The following LRP1B variants were observed in gnomAD, a reference collection of about 807,000 sequenced individuals.
LRP1B encodes low-density lipoprotein receptor-related protein 1B.
In LRP1B, 217 loss-of-function variants were observed where a neutral mutation model predicts 556.6. The observed-to-expected ratio is 0.39, with a 90% CI of 0.35 to 0.44. LRP1B has a LOEUF of 0.44. Among genes scored for constraint, LRP1B ranks in the 20% least tolerant of loss-of-function variants. The pLI, the probability that LRP1B is intolerant of heterozygous loss-of-function variation, is 1.00. For missense variants in LRP1B, 5,053 were observed against 5,620.8 expected (o/e 0.90, Z 3.23); for synonymous variants, 2,047 against 1,865.8 (o/e 1.10, Z -2.50).
At chr2:140,740,713 G>A (rs1276528673) in intron 35 of LRP1B, among the ~76,000 whole-genome samples, 2 of 152,160 alleles carry the variant, frequency 1.3e-5, no homozygotes, top group African/African-American at 2.4e-5. Context: ...TTGAGATCAA[G>A]GTGTTGGCAG....
chr2:141,169,096 A>G (rs944265036), intron 7 of LRP1B, among the ~76,000 whole-genome samples: 5 of 151,628 alleles, frequency 3.3e-5, no homozygotes, highest in Non-Finnish European at 7.4e-5. Context: ...GACCAGCCCA[A>G]CCGACATGGT....
chr2:140,976,190 G>C lies in LRP1B; in HGVS notation c.2887+5970C>G, dbSNP rs62175300. Among the ~76,000 whole-genome samples the C allele has an allele frequency of 3.0e-3, 457 of 152,114 alleles. 1 individual carries two copies. Among genetic ancestry groups the C allele is most frequent in the Non-Finnish European group, 5.0e-3 (341 of 67,994 alleles). The stretch of plus-strand genomic sequence containing the variant: ...CTACATCAGCCTGCCAAAATGCTGA[G>C]ATAACAGGCATGAGCCACCATGCCC... On this transcript the variant is annotated intron_variant, in intron 18 of 90. Transcript: ENST00000389484.
intron 83 of LRP1B, among the ~76,000 whole-genome samples, chr2:140,301,329 T>C (rs1683811214): frequency 6.6e-6 from 1 of 152,074 alleles, no homozygotes; most frequent in Non-Finnish European, 1.5e-5. Flanking sequence ...CATACTCTCT[T>C]TCTTCCCCCT....
intron 2 of LRP1B, among the ~76,000 whole-genome samples, chr2:141,685,414 T>C (rs1691260196): frequency 1.3e-5 from 2 of 152,098 alleles, no homozygotes; most frequent in East Asian, 1.9e-4. Flanking sequence ...ATGGTTTTAA[T>C]ATATTTTGCA....
intron 3 of LRP1B, among the ~76,000 whole-genome samples, chr2:141,315,971 T>C (rs1054495501): frequency 7.0e-6 from 1 of 142,422 alleles, no homozygotes; most frequent in Non-Finnish European, 1.5e-5. Flanking sequence ...TTTTTCTATT[T>C]GTGACCAACA....
At chr2:140,544,715 G>A (rs1445317921) in intron 43 of LRP1B, among the ~76,000 whole-genome samples, 1 of 152,030 alleles carries the variant, frequency 6.6e-6, no homozygotes, top group Non-Finnish European at 1.5e-5. Flanking sequence ...TCTTTACCCA[G>A]TCTACCATTG....
chr2:141,780,490 C>CA (rs1252753596), intron 2 of LRP1B, among the ~76,000 whole-genome samples: 1 of 152,138 alleles, frequency 6.6e-6, no homozygotes, highest in Non-Finnish European at 1.5e-5. Context: ...AAATGCTTAT[C>CA]AACCAATTGT....
chr2:141,982,787 A>G (rs1702078053), intron 1 of LRP1B, among the ~76,000 whole-genome samples: 3 of 152,220 alleles, frequency 2.0e-5, no homozygotes, highest in African/African-American at 7.2e-5. Flanking sequence ...TCTATGTATA[A>G]GACAGCGTGA....
intron 3 of LRP1B, among the ~76,000 whole-genome samples, chr2:141,464,602 A>ATTTT (rs1327185759): frequency 4.1e-5 from 3 of 73,440 alleles, no homozygotes; most frequent in South Asian, 3.5e-4. Context: ...ATATATATAT[A>ATTTT]TATATTTTTT....
intron 1 of LRP1B, among the ~76,000 whole-genome samples, chr2:141,866,616 TAA>T (rs1418806108): frequency 7.2e-5 from 11 of 152,158 alleles, no homozygotes; most frequent in African/African-American, 9.7e-5. Flanking sequence ...TAAAAATCCC[TAA>T]GACTGTTAAT....
In LRP1B at chr2:141,285,308, C is replaced by G. The variant is rs181149157; in HGVS notation, c.344-30667G>C. Among the ~76,000 whole-genome samples the G allele has an allele frequency of 2.6e-3, 393 of 151,706 alleles. 16 individuals carry two copies. The East Asian group carries it at 0.068, about 26-fold the overall frequency. ...TTCACTATGTTGGCCAGGCTGGTCT[C>G]GAACTCCTGACCTCGTTTTCCACCC... On this transcript the variant is annotated intron_variant, in intron 3 of 90. Transcript: ENST00000389484.
At chr2:140,453,858 T>G (rs1282113861) in intron 62 of LRP1B, among the ~76,000 whole-genome samples, 1 of 152,154 alleles carries the variant, frequency 6.6e-6, no homozygotes, top group Non-Finnish European at 1.5e-5. Context: ...AGATGATAAA[T>G]CAAAATCCCT....
intron 3 of LRP1B, among the ~76,000 whole-genome samples, chr2:141,463,638 A>T (rs1348439604): frequency 8.3e-6 from 1 of 120,188 alleles, no homozygotes; most frequent in Non-Finnish European, 1.7e-5. Context: ...ATTATTATAT[A>T]TTATATATTA....
At chr2:140,770,407 T>C (rs1689270217) in intron 34 of LRP1B, among the ~76,000 whole-genome samples, 1 of 151,982 alleles carries the variant, frequency 6.6e-6, no homozygotes, top group Non-Finnish European at 1.5e-5. Context: ...AACTAGAGAC[T>C]GCAAAACAGG....
intron 1 of LRP1B, among the ~76,000 whole-genome samples, chr2:142,114,197 A>G (rs932957207): frequency 6.6e-6 from 1 of 152,104 alleles, no homozygotes; most frequent in African/African-American, 2.4e-5. Context: ...TACCTAACAC[A>G]GATTTCCCTA....
intron 66 of LRP1B, among the ~76,000 whole-genome samples, chr2:140,439,158 A>G (rs147465878): frequency 5.3e-5 from 8 of 152,302 alleles, no homozygotes; most frequent in African/African-American, 1.7e-4. Context: ...AATAGGAGAG[A>G]GTAGGCTGAA....
chr2:141,997,433 GT>G (rs1418077411), intron 1 of LRP1B, among the ~76,000 whole-genome samples: 1 of 19,936 alleles, frequency 5.0e-5, no homozygotes, highest in Non-Finnish European at 1.3e-4. Flanking sequence ...GTGTGTGTGT[GT>G]GTGTGTATAT....
At chr2:140,634,626 A>G (rs1190430022) in intron 41 of LRP1B, among the ~76,000 whole-genome samples, 2 of 152,094 alleles carry the variant, frequency 1.3e-5, no homozygotes, top group Non-Finnish European at 2.9e-5. Flanking sequence ...ATACTTATAA[A>G]TTATGTTGGT....
At chr2:141,477,927 A>C (rs1682772389) in intron 3 of LRP1B, among the ~76,000 whole-genome samples, 1 of 150,394 alleles carries the variant, frequency 6.6e-6, no homozygotes, top group Admixed American at 6.7e-5. Context: ...AAAATGGTAC[A>C]ATCAACCTCC....
Sources: allele counts gnomAD v4.1 joint callset (sites outside exome capture counted in the v4.1 genomes callset), GRCh38; gene constraint gnomAD v4.1.1; transcripts MANE v1.5; gene names NCBI Gene and HGNC (gene_info 2026-07-23, HGNC 2026-07-21).